Variants in SLC2A9 observed in about 807,000 individuals in gnomAD.
The protein encoded by SLC2A9 is solute carrier family 2 member 9.
In SLC2A9, 39 loss-of-function variants were observed where a neutral mutation model predicts 50.6. The ratio of observed to expected loss-of-function variants is 0.77; its 90% CI spans 0.60 to 1.01. SLC2A9 has a LOEUF of 1.01. Among genes scored for constraint, SLC2A9 ranks in the 50% least tolerant of loss-of-function variants. SLC2A9 has a pLI of 0.00. For synonymous variants in SLC2A9, 324 were observed against 276.9 expected, an observed-to-expected ratio of 1.17 and a Z score of -1.69; for missense variants, 686 against 677.6, an observed-to-expected ratio of 1.01 and a Z score of -0.14.
chr4:9,953,235 A>G (rs58871485), intron 5 of SLC2A9, among the ~76,000 whole-genome samples: 7,013 of 152,304 alleles, frequency 0.046, 509 homozygotes, highest in African/African-American at 0.16. Context: ...CCTCTTGGCC[A>G]TGGGTAGGAG....
At chr4:9,844,852 T>C (rs1728693701) in intron 10 of SLC2A9, among the ~76,000 whole-genome samples, 1 of 152,268 alleles carries the variant, frequency 6.6e-6, no homozygotes, top group South Asian at 2.1e-4. Context: ...CTTAGTTTTG[T>C]TTTATGCATT....
intron 5 of SLC2A9, among the ~76,000 whole-genome samples, chr4:9,944,751 T>C (rs898323828): frequency 2.6e-5 from 4 of 152,182 alleles, no homozygotes; most frequent in Admixed American, 6.5e-5. Flanking sequence ...CCTGGCTTTT[T>C]CCAGCAAGTG....
At chr4:10,017,560 G>A (rs1762827381) in intron 2 of SLC2A9, among the ~76,000 whole-genome samples, 1 of 152,192 alleles carries the variant, frequency 6.6e-6, no homozygotes, top group African/African-American at 2.4e-5. Flanking sequence ...ACTGACCTGC[G>A]CAAATAGTGC....
intron 3 of SLC2A9, among the ~76,000 whole-genome samples, chr4:9,809,391 T>C (rs1722552580): frequency 6.6e-6 from 1 of 152,148 alleles, no homozygotes; most frequent in Non-Finnish European, 1.5e-5. Flanking sequence ...GCGAACAGGG[T>C]TGGGCATGGG....
At chr4:9,798,476 G>A (rs1190718523), downstream of SLC2A9, among the ~76,000 whole-genome samples, 1 of 152,188 alleles carries the variant, frequency 6.6e-6, no homozygotes, top group Non-Finnish European at 1.5e-5. Flanking sequence ...ATTATGTAAA[G>A]AGAGTTGTTT....
intron 6 of SLC2A9, among the ~76,000 whole-genome samples, chr4:9,936,596 T>C (rs1442803489): frequency 6.6e-6 from 1 of 152,204 alleles, no homozygotes; most frequent in East Asian, 1.9e-4. Flanking sequence ...TAGATGAATG[T>C]CTGGAGCAGC....
At chr4:9,970,743 GTACCTGTTTTAAGA>G (rs1753770772) in intron 5 of SLC2A9, among the ~76,000 whole-genome samples, 1 of 151,854 alleles carries the variant, frequency 6.6e-6, no homozygotes, top group Admixed American at 6.6e-5. Context: ...TTTATACTCA[GTACCTGTTTTAAGA>G]AAAAAACAAG....
Position 9,957,904 on chromosome 4 carries a change from G to A in SLC2A9, c.682-15859C>T, listed in dbSNP as rs79752975. On this transcript the variant is annotated intron_variant, in intron 5 of 11. Coordinates refer to ENST00000264784, the MANE Select transcript of SLC2A9 (RefSeq NM_020041.3). The stretch of plus-strand genomic sequence containing the variant: ...AAAATTATCAAAGAAGTAACATAAT[G>A]ATCTAGAATGAAAGGAAATGAGTAT... 3.5e-3 allele frequency among the ~76,000 whole-genome samples: 531 copies of A among 152,240 alleles called. 4 individuals are homozygous for A. Among genetic ancestry groups the A allele is most frequent in the African/African-American group, 0.012 (483 of 41,552 alleles).
chr4:9,799,699 C>CCCT (rs1553813290), intron 3 of SLC2A9, among the ~76,000 whole-genome samples: 1 of 76,670 alleles, frequency 1.3e-5, no homozygotes. Flanking sequence ...TGTACCCCCC[C>CCCT]CCCACCCAAC....
intron 10 of SLC2A9, among the ~76,000 whole-genome samples, chr4:9,868,791 G>A (rs554398747): frequency 2.6e-5 from 4 of 152,252 alleles, no homozygotes; most frequent in Non-Finnish European, 4.4e-5. Flanking sequence ...GGAACATAAT[G>A]TTTATTTTTT....
chr4:10,006,025 G>A (rs960340366), intron 2 of SLC2A9, among the ~76,000 whole-genome samples: 12 of 152,122 alleles, frequency 7.9e-5, no homozygotes, highest in Non-Finnish European at 1.3e-4. Context: ...AATAAAAACC[G>A]GAAATTGGGG....
chr4:9,863,717 G>A (rs1484321877), intron 10 of SLC2A9, among the ~76,000 whole-genome samples: 1 of 151,998 alleles, frequency 6.6e-6, no homozygotes, highest in Non-Finnish European at 1.5e-5. Flanking sequence ...TCTTTTGCTC[G>A]CTAGACCTGA....
At chr4:9,890,486 G>T (rs142035313) in intron 9 of SLC2A9, 124 bp downstream of exon 9, 9 of 914,954 alleles carry the variant, frequency 9.8e-6, no homozygotes, top group African/African-American at 1.6e-5. Context: ...TGTCCCCGGG[G>T]AGAGCTTTAT....
intron 10 of SLC2A9, among the ~76,000 whole-genome samples, chr4:9,850,841 C>T (rs977081834): frequency 3.3e-5 from 5 of 152,088 alleles, no homozygotes; most frequent in Admixed American, 6.5e-5. Flanking sequence ...CTGCTGTGCC[C>T]CCTACTGATA....
intron 10 of SLC2A9, among the ~76,000 whole-genome samples, chr4:9,864,442 C>A (rs1348701590): frequency 6.6e-6 from 1 of 152,342 alleles, no homozygotes; most frequent in East Asian, 1.9e-4. Context: ...TTCCCTAAGA[C>A]AGAAGGCAGA....
downstream of SLC2A9, among the ~76,000 whole-genome samples, chr4:9,777,958 A>T (rs1428010675): frequency 5.9e-5 from 9 of 152,226 alleles, no homozygotes. Context: ...CATGTTGCCC[A>T]GTCTCCAAGC....
chr4:9,967,803 T>G (rs975153515), intron 5 of SLC2A9, among the ~76,000 whole-genome samples: 4 of 142,890 alleles, frequency 2.8e-5, no homozygotes, highest in African/African-American at 1.1e-4. Context: ...GACTGGTTAT[T>G]TAAAAATAAG....
intron 6 of SLC2A9, among the ~76,000 whole-genome samples, chr4:9,935,704 T>C (rs1031427973): frequency 9.9e-5 from 15 of 152,218 alleles, no homozygotes; most frequent in Non-Finnish European, 2.2e-4. Context: ...GCCCAGGAGA[T>C]GCTGCATGTT....
chr4:10,026,274 A>G (rs1243361090), upstream of SLC2A9, among the ~76,000 whole-genome samples: 1 of 152,086 alleles, frequency 6.6e-6, no homozygotes, highest in East Asian at 1.9e-4. Context: ...TGCATCATCA[A>G]TTTATCTCTC....
Sources: allele counts gnomAD v4.1 joint callset (sites outside exome capture counted in the v4.1 genomes callset), GRCh38; gene constraint gnomAD v4.1.1; transcripts MANE v1.5; gene names NCBI Gene and HGNC (gene_info 2026-07-23, HGNC 2026-07-21).